The following MAP7 variants were observed in gnomAD, a reference collection of about 807,000 sequenced individuals.
The protein encoded by MAP7 is ensconsin.
MAP7 carries 52 observed loss-of-function variants against 94.8 expected under a neutral mutation model. The observed-to-expected ratio is 0.55, with a 90% CI of 0.44 to 0.69. The LOEUF (loss-of-function observed/expected upper bound fraction) is 0.69, where lower values mean the gene tolerates loss of function less well. MAP7 is among the 30% of genes least tolerant of loss of function. The pLI is 0.00. For synonymous variants in MAP7, 350 were observed against 357.0 expected (o/e 0.98, Z 0.22); for missense variants, 940 against 964.6 (o/e 0.97, Z 0.34).
rs1047961829 is a variant in MAP7, at chr6:136,356,744, C to A, written c.1963G>T (p.Val655Phe). ...GAGGTAACCACATGTGGGCTGCCAA[C>A]TGGCTTTCCATTTCCCGGAGCGTTT... ...TTNAPGNGKP[V>F]GSPHVVTSHQ... is the part of the protein sequence containing the mutation. Residue 655 changes from valine to phenylalanine, a missense_variant, in exon 16 of 18, where the codon GTT (valine) becomes TTT (phenylalanine). Val to Phe is a conservative substitution (Grantham distance 50, BLOSUM62 -1). Coordinates refer to ENST00000354570, the MANE Select transcript of MAP7 (RefSeq NM_003980.6). 1 of 1,614,190 alleles carries A rather than the reference C, an allele frequency of 6.2e-7. No individual in the cohort carries two copies. The highest frequency in any genetic ancestry group is 8.5e-7 in the Non-Finnish European group (1 of 1,180,032).
rs72979504 is a variant in MAP7, at chr6:136,488,130, T to C, written c.67+62212A>G. On this transcript the variant is annotated intron_variant, in intron 1 of 17. Transcript: ENST00000354570. ...AAAGTTTTAAGTAGTTTCTAGATAA[T>C]ATTCTTGTACAAGCTTTTCCAGTTT... Among the ~76,000 whole-genome samples, 1,478 of 152,362 alleles carry C rather than the reference T, an allele frequency of 9.7e-3. 13 individuals are homozygous for C. Among genetic ancestry groups the C allele is most frequent in the Non-Finnish European group, 0.015 (1,028 of 68,020 alleles).
intron 3 of MAP7, among the ~76,000 whole-genome samples, chr6:136,409,916 T>C (rs1051161355): frequency 1.3e-5 from 2 of 152,192 alleles, no homozygotes; most frequent in African/African-American, 4.8e-5. Context: ...AATTGAAATA[T>C]GGCATTACAT....
rs756984331 is a variant in MAP7, at chr6:136,400,415, C to CAA, written c.245-10900_245-10899dup. On this transcript the variant is annotated intron_variant, in intron 3 of 17. Transcript: ENST00000354570. Reference sequence around the variant, plus strand: ...TGGGCAACAGGGCGAGACTCTGTCTCAAAAAAAAAAAAAAAAGAGTTGGGG... The same window carrying CAA: ...TGGGCAACAGGGCGAGACTCTGTCTCAAAAAAAAAAAAAAAAAAGAGTTGGGG... Among the ~76,000 whole-genome samples, 7 of 62,066 alleles carry CAA rather than the reference C, an allele frequency of 1.1e-4. No homozygotes were observed. The East Asian group carries it at 1.5e-3, about 13-fold the overall frequency. 40.7% of individuals were successfully genotyped at this position (62,066 alleles called of 152,430 possible).
chr6:136,399,992 A>G (rs1783598295), intron 3 of MAP7, among the ~76,000 whole-genome samples: 1 of 152,238 alleles, frequency 6.6e-6, no homozygotes. Flanking sequence ...ATAGAATGGA[A>G]AAGTTTAGCA....
At chr6:136,549,873 C>T (rs904076067) in intron 1 of MAP7, among the ~76,000 whole-genome samples, 1 of 152,210 alleles carries the variant, frequency 6.6e-6, no homozygotes, top group African/African-American at 2.4e-5. Context: ...GCTGAGGAGC[C>T]CCCGGCACCC....
At chr6:136,352,190 AT>A (rs60677576) in intron 16 of MAP7, among the ~76,000 whole-genome samples, 2,645 of 137,820 alleles carry the variant, frequency 0.019, 82 homozygotes, top group African/African-American at 0.064. Context: ...TGCTATTCGT[AT>A]TTTTTTTTTT....
At chr6:136,391,651 A>C (rs1780789076) in intron 3 of MAP7, among the ~76,000 whole-genome samples, 1 of 129,640 alleles carries the variant, frequency 7.7e-6, no homozygotes, top group South Asian at 2.7e-4. Context: ...CTCTCAAAAA[A>C]TAAAAAATAA....
At chr6:136,460,968 T>C (rs1708110973) in intron 1 of MAP7, among the ~76,000 whole-genome samples, 1 of 152,176 alleles carries the variant, frequency 6.6e-6, no homozygotes, top group African/African-American at 2.4e-5. Flanking sequence ...ATCAACTCAG[T>C]TGCTATTGGG....
intron 3 of MAP7, among the ~76,000 whole-genome samples, chr6:136,395,408 ATTTTTT>A (rs34425736): frequency 4.6e-5 from 4 of 87,714 alleles, no homozygotes; most frequent in African/African-American, 1.3e-4. Context: ...TTTAATTTGG[ATTTTTT>A]TTTTTTTTTT....
intron 1 of MAP7, among the ~76,000 whole-genome samples, chr6:136,457,892 G>A (rs915782774): frequency 6.6e-6 from 1 of 152,106 alleles, no homozygotes; most frequent in African/African-American, 2.4e-5. Flanking sequence ...AACAAGGCAA[G>A]GATGCCCACT....
intron 1 of MAP7, among the ~76,000 whole-genome samples, chr6:136,428,423 G>A (rs1793895906): frequency 2.6e-5 from 4 of 152,094 alleles, no homozygotes; most frequent in Non-Finnish European, 4.4e-5. Context: ...GGGAGGCTGA[G>A]GCAGGAGAAT....
chr6:136,519,069 AAC>A (rs1196056391), intron 1 of MAP7, among the ~76,000 whole-genome samples: 1 of 152,240 alleles, frequency 6.6e-6, no homozygotes, highest in Non-Finnish European at 1.5e-5. Flanking sequence ...CTACTTATAT[AAC>A]ACATAATGCC....
intron 11 of MAP7, among the ~76,000 whole-genome samples, chr6:136,361,919 TA>T (rs1426915119): frequency 6.6e-6 from 1 of 152,122 alleles, no homozygotes; most frequent in Non-Finnish European, 1.5e-5. Flanking sequence ...ATGTGTTAAG[TA>T]AAAAAGCAGA....
rs372709109 is a variant in MAP7, at chr6:136,480,522, G to A, written c.68-58723C>T. ...CTGGGCATGGTGGCGGGTGCCTGTA[G>A]TCCCAGCTACTCGGGAGGCTGAGGC... On this transcript the variant is annotated intron_variant, in intron 1 of 17. Transcript: ENST00000354570. Among the ~76,000 whole-genome samples the A allele has an allele frequency of 7.3e-5, 11 of 151,458 alleles. No homozygotes were observed. In the East Asian group the frequency reaches 1.6e-3, roughly 21 times the overall value.
chr6:136,457,054 C>G (rs765852704), intron 1 of MAP7, among the ~76,000 whole-genome samples: 8 of 147,042 alleles, frequency 5.4e-5, no homozygotes, highest in Non-Finnish European at 1.2e-4. Flanking sequence ...ATTGACAAAC[C>G]TTTAGCTAAA....
At chr6:136,382,795 A>G (rs866226640) in intron 6 of MAP7, among the ~76,000 whole-genome samples, 10 of 152,148 alleles carry the variant, frequency 6.6e-5, no homozygotes, top group African/African-American at 2.2e-4. Flanking sequence ...GATTATAAAC[A>G]CTGAAACTTT....
At chr6:136,360,638 T>A in intron 13 of MAP7, 59 bp downstream of exon 13, 1 of 1,476,298 alleles carries the variant, frequency 6.8e-7, no homozygotes. Flanking sequence ...CCAGGGCTAG[T>A]CTCTGGGTCT....
At chr6:136,368,079 C>A (rs1794769945) in intron 8 of MAP7, among the ~76,000 whole-genome samples, 1 of 151,976 alleles carries the variant, frequency 6.6e-6, no homozygotes, top group African/African-American at 2.4e-5. Flanking sequence ...AATTACAGTA[C>A]CTTTGAGCCA....
At chr6:136,400,740 G>A (rs1360617496) in intron 3 of MAP7, among the ~76,000 whole-genome samples, 1 of 152,048 alleles carries the variant, frequency 6.6e-6, no homozygotes, top group Non-Finnish European at 1.5e-5. Flanking sequence ...AAAACAGCTG[G>A]GATTTTCATT....
Sources: gnomAD v4.1 joint callset for allele counts (sites outside exome capture counted in the v4.1 genomes callset) on GRCh38, gnomAD v4.1.1 for gene constraint, MANE v1.5 for transcripts, NCBI Gene and HGNC (gene_info 2026-07-23, HGNC 2026-07-21) for gene names.